SLX4IP: variants seen among roughly 807,000 people sequenced by gnomAD.
The protein encoded by SLX4IP is SLX4 interacting protein.
A neutral mutation model predicts 32.9 loss-of-function variants in SLX4IP; 34 were observed. The ratio of observed to expected loss-of-function variants is 1.03; its 90% confidence interval spans 0.79 to 1.38. SLX4IP has a LOEUF of 1.38. Ranked by LOEUF, SLX4IP falls within the 40% of genes most tolerant of loss-of-function variation. The pLI is 0.00. For synonymous variants in SLX4IP, 172 were observed against 171.7 expected (o/e 1.00, Z -0.01); for missense variants, 444 against 479.0 (o/e 0.93, Z 0.68).
intron 2 of SLX4IP, among the ~76,000 whole-genome samples, chr20:10,546,548 G>A (rs544758179): frequency 1.5e-3 from 221 of 151,994 alleles, no homozygotes; most frequent in African/African-American, 5.2e-3. Flanking sequence ...AGAAAAAAAA[G>A]AGAAAAGCAG....
rs2067188666 is a variant in SLX4IP, at chr20:10,627,638, T to C, written c.*4259T>C. ...TTAATTATCTAGAGCTACCCAGTACTGGGCTTGAATTTAATCATAGTCAAA... is the reference window on the plus strand; with the variant it reads ...TTAATTATCTAGAGCTACCCAGTACCGGGCTTGAATTTAATCATAGTCAAA... On this transcript the variant is annotated 3_prime_UTR_variant, in exon 8 of 8. Coordinates refer to ENST00000334534, the MANE Select transcript of SLX4IP (RefSeq NM_001009608.3). 6.6e-6 allele frequency: 1 copy of C among 152,238 alleles called. No individual in the cohort carries two copies. Among genetic ancestry groups the C allele is most frequent in the African/African-American group, 2.4e-5 (1 of 41,460 alleles). 9.4% of individuals were successfully genotyped at this position (152,238 alleles called of 1,614,324 possible).
intron 4 of SLX4IP, among the ~76,000 whole-genome samples, chr20:10,594,701 C>G (rs574154445): frequency 6.6e-6 from 1 of 152,266 alleles, no homozygotes; most frequent in South Asian, 2.1e-4. Context: ...TAATCTACTG[C>G]CTTGCTAAGC....
At chr20:10,547,990 A>G in intron 2 of SLX4IP, among the ~76,000 whole-genome samples, 1 of 152,176 alleles carries the variant, frequency 6.6e-6, no homozygotes, top group East Asian at 1.9e-4. Flanking sequence ...GAGGACAGAC[A>G]CTATGTGTGC....
intron 3 of SLX4IP, among the ~76,000 whole-genome samples, chr20:10,558,736 G>A (rs1352432584): frequency 6.6e-6 from 1 of 152,222 alleles, no homozygotes; most frequent in Admixed American, 6.5e-5. Context: ...GATGCCCTCT[G>A]CATCTCTGTC....
intron 2 of SLX4IP, among the ~76,000 whole-genome samples, chr20:10,517,776 G>A (rs1276973632): frequency 2.0e-5 from 3 of 152,128 alleles, no homozygotes; most frequent in Non-Finnish European, 4.4e-5. Context: ...CTGGTGCTCA[G>A]CAGCTTTGTC....
intron 2 of SLX4IP, among the ~76,000 whole-genome samples, chr20:10,543,929 T>C (rs1600983971): frequency 6.6e-6 from 1 of 152,050 alleles, no homozygotes; most frequent in South Asian, 2.1e-4. Context: ...ATAATTGGGG[T>C]TTTCTTCAGG....
At chr20:10,463,060 C>T (rs80288671) in intron 2 of SLX4IP, among the ~76,000 whole-genome samples, 2,215 of 152,182 alleles carry the variant, frequency 0.015, 47 homozygotes, top group African/African-American at 0.049. Context: ...TCTCTAAAAA[C>T]AACAACAACA....
At chr20:10,600,541 C>G (rs982892796) in intron 5 of SLX4IP, among the ~76,000 whole-genome samples, 2 of 152,178 alleles carry the variant, frequency 1.3e-5, no homozygotes, top group South Asian at 4.1e-4. Flanking sequence ...AACAACAACT[C>G]ATTGGGCCTC....
chr20:10,571,597 C>T lies in SLX4IP; in HGVS notation c.238+10777C>T, dbSNP rs182237580. Among the ~76,000 whole-genome samples, 206 of 152,308 alleles carry T rather than the reference C, an allele frequency of 1.4e-3. 1 individual carries two copies. Among genetic ancestry groups the T allele is most frequent in the African/African-American group, 4.7e-3 (197 of 41,570 alleles). ...TCAAGAGCACTTCCCTTCCTCTCTC[C>T]CTGCTCACCCTCTGGTGTAGCAGCA... On this transcript the variant is annotated intron_variant, in intron 4 of 7. Coordinates refer to ENST00000334534, the MANE Select transcript of SLX4IP (RefSeq NM_001009608.3).
At chr20:10,522,154 A>G (rs1283298765) in intron 2 of SLX4IP, among the ~76,000 whole-genome samples, 2 of 152,204 alleles carry the variant, frequency 1.3e-5, no homozygotes, top group Non-Finnish European at 2.9e-5. Flanking sequence ...AATTATTAGT[A>G]AGATATAACT....
At chr20:10,551,807 G>A (rs651877) in intron 2 of SLX4IP, among the ~76,000 whole-genome samples, 30,311 of 152,098 alleles carry the variant, frequency 0.2, 3,673 homozygotes, top group Admixed American at 0.27. Flanking sequence ...GGATGAAAAC[G>A]TCAGGTGCAG....
In SLX4IP at chr20:10,623,309, A is replaced by G. The variant is rs2067138292; in HGVS notation, c.1157A>G (p.Asn386Ser). The G allele has an allele frequency of 6.2e-7, 1 of 1,614,082 alleles. No individual in the cohort carries two copies. The highest frequency in any genetic ancestry group is 8.5e-7 in the Non-Finnish European group (1 of 1,180,054). Residue 386 changes from asparagine to serine, a missense_variant, in exon 8 of 8, where the codon AAC becomes AGC. By Grantham distance (46) the Asn-to-Ser change is conservative. Coordinates refer to ENST00000334534, the MANE Select transcript of SLX4IP (RefSeq NM_001009608.3). ...GQAQQTGLATNTERLSTIQNS... is the reference protein window; with the variant it reads ...GQAQQTGLATSTERLSTIQNS... ...GCACAGCAAACCGGCTTAGCCACAA[A>G]CACTGAAAGATTATCTACAATTCAG...
intron 4 of SLX4IP, among the ~76,000 whole-genome samples, chr20:10,564,478 A>G (rs374866795): frequency 9.2e-5 from 14 of 152,152 alleles, no homozygotes; most frequent in East Asian, 5.8e-4. Context: ...CTTTTGTTAC[A>G]TTTCCAGATC....
intron 2 of SLX4IP, among the ~76,000 whole-genome samples, chr20:10,531,543 T>C (rs559215596): frequency 9.9e-5 from 15 of 152,192 alleles, no homozygotes; most frequent in Non-Finnish European, 1.9e-4. Flanking sequence ...TTCTCAGCTG[T>C]GGGGACCCAA....
intron 1 of SLX4IP, among the ~76,000 whole-genome samples, chr20:10,455,626 T>TA (rs71184201): frequency 2.3e-4 from 32 of 141,276 alleles, no homozygotes; most frequent in African/African-American, 9.1e-4. Context: ...TTTATTTATT[T>TA]TGAGACAGAG....
intron 4 of SLX4IP, among the ~76,000 whole-genome samples, chr20:10,583,265 A>G (rs923610761): frequency 6.6e-6 from 1 of 152,230 alleles, no homozygotes; most frequent in African/African-American, 2.4e-5. Flanking sequence ...TAAAAACGCC[A>G]TTAAAGACAA....
At chr20:10,487,099 G>A (rs971504687) in intron 2 of SLX4IP, among the ~76,000 whole-genome samples, 6 of 152,114 alleles carry the variant, frequency 3.9e-5, no homozygotes, top group Non-Finnish European at 8.8e-5. Context: ...GTTCTCTGTA[G>A]AAAACTATTC....
chr20:10,486,183 A>AT (rs1568704039), intron 2 of SLX4IP, among the ~76,000 whole-genome samples: 5 of 48,486 alleles, frequency 1.0e-4, no homozygotes, highest in African/African-American at 1.7e-4. Flanking sequence ...TCCTTGCTTA[A>AT]ATTTTTTTTT....
chr20:10,496,905 A>G (rs926598648), intron 2 of SLX4IP, among the ~76,000 whole-genome samples: 5 of 152,200 alleles, frequency 3.3e-5, no homozygotes, highest in African/African-American at 1.2e-4. Context: ...CAGTATTTCT[A>G]TCCTTTTTCC....
Sources: allele counts gnomAD v4.1 joint callset (sites outside exome capture counted in the v4.1 genomes callset), GRCh38; gene constraint gnomAD v4.1.1; transcripts MANE v1.5; gene names NCBI Gene and HGNC (gene_info 2026-07-23, HGNC 2026-07-21).